Variants in KNTC1 observed in about 807,000 individuals in gnomAD.
KNTC1 encodes kinetochore-associated protein 1.
A neutral mutation model predicts 314.4 loss-of-function variants in KNTC1; 253 were observed. The observed-to-expected ratio is 0.80, with a 90% CI of 0.73 to 0.89. The LOEUF (loss-of-function observed/expected upper bound fraction) is 0.89. KNTC1 is among the 40% of genes least tolerant of loss of function. KNTC1 has a pLI of 0.00. For synonymous variants in KNTC1, 901 were observed against 901.4 expected, an observed-to-expected ratio of 1.00 and a Z score of 0.01; for missense variants, 2,475 against 2,572.9, an observed-to-expected ratio of 0.96 and a Z score of 0.82.
At chr12:122,568,118 T>C (rs1040751454) in intron 20 of KNTC1, 143 bp from the exon 21 acceptor site, 5 of 583,270 alleles carry the variant, frequency 8.6e-6, no homozygotes. Flanking sequence ...TGTGTGATCT[T>C]TGGAACTGGG....
At chr12:122,604,480 G>A in intron 48 of KNTC1, 84 bp from the exon 49 acceptor site, 2 of 748,206 alleles carry the variant, frequency 2.7e-6, no homozygotes, top group Non-Finnish European at 4.2e-6. Flanking sequence ...TTAAAAAGTT[G>A]CTAATTTGAC....
intron 17 of KNTC1, 45 bp downstream of exon 17, chr12:122,557,554 T>G (rs776700223): frequency 4.7e-5 from 75 of 1,611,720 alleles, no homozygotes; most frequent in Non-Finnish European, 6.3e-5. Context: ...ATTGACGTGT[T>G]GATCAACATT....
intron 26 of KNTC1, 53 bp downstream of exon 26, chr12:122,573,338 C>T (rs1964818105): frequency 6.8e-7 from 1 of 1,473,972 alleles, no homozygotes; most frequent in Non-Finnish European, 9.4e-7. Context: ...CAGTGTAGCA[C>T]TGTAGTAAAT....
intron 51 of KNTC1, among the ~76,000 whole-genome samples, chr12:122,608,300 T>C (rs1872748488): frequency 6.6e-6 from 1 of 152,090 alleles, no homozygotes; most frequent in Non-Finnish European, 1.5e-5. Context: ...CTAATTTTTT[T>C]AGTATTTTTA....
intron 16 of KNTC1, among the ~76,000 whole-genome samples, chr12:122,553,745 A>G (rs78070109): frequency 0.018 from 2,703 of 152,168 alleles, 68 homozygotes; most frequent in African/African-American, 0.058. Context: ...GGCTGTACAC[A>G]TATTTGGGAA....
chr12:122,596,621 G>A (rs1237008673), intron 43 of KNTC1, among the ~76,000 whole-genome samples: 4 of 151,908 alleles, frequency 2.6e-5, no homozygotes, highest in Non-Finnish European at 4.4e-5. Flanking sequence ...CAGGAGGATC[G>A]CTTGAGGCCA....
chr12:122,567,389 C>T (rs1201909575), intron 20 of KNTC1, among the ~76,000 whole-genome samples: 1 of 151,792 alleles, frequency 6.6e-6, no homozygotes, highest in Non-Finnish European at 1.5e-5. Context: ...AAATGTTTAA[C>T]CAGCTACCTT....
At position 122,613,778 on chromosome 12, in the gene KNTC1, GC is replaced by G; in HGVS notation, c.5877+21del. ...GAGTCCATGGTAGGTACACCTCACTGCCCCATTCCCAATTCCCTGCCCCTAC... is the reference window on the plus strand; with the variant it reads ...GAGTCCATGGTAGGTACACCTCACTGCCCATTCCCAATTCCCTGCCCCTAC... On this transcript the variant is annotated intron_variant, in intron 55 of 63. Transcript: ENST00000333479. 1 of 1,573,212 alleles carries G rather than the reference GC, an allele frequency of 6.4e-7. No homozygotes were observed. Among genetic ancestry groups the G allele is most frequent in the Non-Finnish European group, 8.6e-7 (1 of 1,165,116 alleles).
intron 44 of KNTC1, among the ~76,000 whole-genome samples, chr12:122,600,822 C>T (rs75933462): frequency 6.6e-6 from 1 of 152,014 alleles, no homozygotes; most frequent in Non-Finnish European, 1.5e-5. Flanking sequence ...AATGCCACCA[C>T]ACCCAGCTAA....
intron 45 of KNTC1, 35 bp downstream of exon 45, chr12:122,601,660 T>G (rs904224912): frequency 1.4e-6 from 2 of 1,440,198 alleles, no homozygotes; most frequent in East Asian, 2.7e-5. Context: ...AAAAATCATC[T>G]TTCTGCTTTT....
At chr12:122,587,275 C>T (rs992169757) in intron 38 of KNTC1, among the ~76,000 whole-genome samples, 1 of 151,656 alleles carries the variant, frequency 6.6e-6, no homozygotes, top group Non-Finnish European at 1.5e-5. Context: ...GACCCTATCT[C>T]TAAAAAAACA....
At chr12:122,562,367 G>C (rs536483454) in intron 19 of KNTC1, among the ~76,000 whole-genome samples, 1 of 151,976 alleles carries the variant, frequency 6.6e-6, no homozygotes, top group Non-Finnish European at 1.5e-5. Flanking sequence ...TGATTTTAAA[G>C]AGTTCCTACA....
chr12:122,596,478 A>G (rs1225377874), intron 43 of KNTC1, among the ~76,000 whole-genome samples: 3 of 151,404 alleles, frequency 2.0e-5, no homozygotes, highest in African/African-American at 7.3e-5. Context: ...CGGCCTCCCA[A>G]AGTGCTGGGA....
chr12:122,613,228 G>A lies in KNTC1; in HGVS notation c.5739G>A (p.Val1913=). 1 of 1,531,742 alleles carries A rather than the reference G, an allele frequency of 6.5e-7. No homozygotes were observed. Among genetic ancestry groups the A allele is most frequent in the South Asian group, 1.1e-5 (1 of 88,494 alleles). The allele number at this position is 1,531,742 out of a possible 1,614,324, so 94.9% of individuals were successfully genotyped here. A position where few individuals can be genotyped will look rare whatever the true frequency, so the allele number is the denominator to read the frequency against. ...ESLFKKPIEE[V]KSYLRCITFL... ...TCTTTAAAAAACCCATTGAAGAAGTGAAGTAAGTAGAAATGTTTAAATTGT... is the reference window on the plus strand; with the variant it reads ...TCTTTAAAAAACCCATTGAAGAAGTAAAGTAAGTAGAAATGTTTAAATTGT... Residue 1913 remains valine (V), a splice_region_variant and synonymous_variant, in exon 54 of 64, where the codon GTG becomes GTA. Coordinates refer to ENST00000333479, the MANE Select transcript of KNTC1 (RefSeq NM_014708.6).
chr12:122,581,132 C>T (rs1965397836), intron 33 of KNTC1, among the ~76,000 whole-genome samples: 1 of 151,436 alleles, frequency 6.6e-6, no homozygotes, highest in African/African-American at 2.4e-5. Context: ...ATGTAATTTA[C>T]ATACCATATA....
Position 122,620,742 on chromosome 12 carries a change from A to G in KNTC1, c.6279+134A>G, listed in dbSNP as rs574824503. The G allele has an allele frequency of 9.8e-5, 88 of 899,930 alleles. 1 individual carries two copies. The Admixed American group carries it at 2.5e-3, about 25-fold the overall frequency. The allele number at this position is 899,930 out of a possible 1,614,324, so 55.7% of individuals were successfully genotyped here. On this transcript the variant is annotated intron_variant, in intron 60 of 63. Coordinates refer to ENST00000333479, the MANE Select transcript of KNTC1 (RefSeq NM_014708.6). ...TACATCAGATATGTGTGAAGCTTGT[A>G]TGGGGGCTTAGTGGGAGGTAAGACT...
rs1565975181 is a variant in KNTC1 at position 122,575,883 on chromosome 12, TA to T, written c.2573del (p.Asn858ThrfsTer4). 1 of 1,611,780 alleles carries T rather than the reference TA, an allele frequency of 6.2e-7. No individual in the cohort carries two copies. The highest frequency in any genetic ancestry group is 2.2e-5 in the East Asian group (1 of 44,844). On this transcript the variant is annotated frameshift_variant, in exon 29 of 64. Coordinates refer to ENST00000333479, the MANE Select transcript of KNTC1 (RefSeq NM_014708.6). LOFTEE classifies it high-confidence loss of function. ...RGYGIREVNL[L>X]NKEIMRVVRY... ...TATGGAATAAGAGAGGTAAATCTCT[TA>T]AACAAGGAAATAATGGTAAGTACAC...
At chr12:122,566,484 A>G (rs1964350922) in intron 20 of KNTC1, among the ~76,000 whole-genome samples, 1 of 151,184 alleles carries the variant, frequency 6.6e-6, no homozygotes. Flanking sequence ...ATCTCAGCTC[A>G]CTGCAACTTC....
At chr12:122,623,350 C>G (rs1393424444) in intron 62 of KNTC1, among the ~76,000 whole-genome samples, 4 of 152,132 alleles carry the variant, frequency 2.6e-5, no homozygotes, top group African/African-American at 9.7e-5. Context: ...TGGGCTGACA[C>G]TAAAGAAAGG....
Sources: gnomAD v4.1 joint callset for allele counts (sites outside exome capture counted in the v4.1 genomes callset) on GRCh38, gnomAD v4.1.1 for gene constraint, MANE v1.5 for transcripts, NCBI Gene and HGNC (gene_info 2026-07-23, HGNC 2026-07-21) for gene names.